Variants in LRPPRC observed in about 807,000 individuals in gnomAD.
The protein encoded by LRPPRC is leucine rich pentatricopeptide repeat containing.
In LRPPRC, 120 loss-of-function variants were observed where a neutral mutation model predicts 180.3. That is an observed-to-expected ratio of 0.67 (90% CI 0.57 to 0.77). The LOEUF (loss-of-function observed/expected upper bound fraction) is 0.77. Ranked by LOEUF, LRPPRC falls within the 30% of genes least tolerant of loss-of-function variation. LRPPRC has a pLI of 0.00. For missense variants in LRPPRC, 2,012 were observed against 1,657.2 expected (o/e 1.21, Z -3.72); for synonymous variants, 723 against 600.0 (o/e 1.21, Z -3.00).
chr2:43,938,313 TAAAAATATAAG>T (rs1672348987), intron 23 of LRPPRC, among the ~76,000 whole-genome samples: 1 of 152,124 alleles, frequency 6.6e-6, no homozygotes, highest in Non-Finnish European at 1.5e-5. Context: ...TGGTGCAAAT[TAAAAATATAAG>T]CTTTACCAAA....
rs1196044273 is a variant in LRPPRC, at chr2:43,887,272, C to CTGCT, written c.*1324_*1327dup. ...CAAGACTCAACGTTGGCCATGCCCCCTGCTTCCTTAAATCTAACGCCACAA... is the reference window on the plus strand; with the variant it reads ...CAAGACTCAACGTTGGCCATGCCCCCTGCTTGCTTCCTTAAATCTAACGCCACAA... On this transcript the variant is annotated 3_prime_UTR_variant, in exon 38 of 38. Transcript: ENST00000260665. 6.6e-6 allele frequency: 1 copy of CTGCT among 152,172 alleles called. No individual in the cohort carries two copies. The highest frequency in any genetic ancestry group is 1.9e-4 in the East Asian group (1 of 5,198). 9.4% of individuals were successfully genotyped at this position (152,172 alleles called of 1,614,324 possible).
intron 2 of LRPPRC, among the ~76,000 whole-genome samples, chr2:43,980,571 GAAGA>G (rs371240035): frequency 0.023 from 1,962 of 86,908 alleles, 89 homozygotes; most frequent in Admixed American, 0.12. Flanking sequence ...AAAAAAAAAA[GAAGA>G]AAGAAAGAAA....
Sources: gnomAD v4.1 joint callset for allele counts (sites outside exome capture counted in the v4.1 genomes callset) on GRCh38, gnomAD v4.1.1 for gene constraint, MANE v1.5 for transcripts, NCBI Gene and HGNC (gene_info 2026-07-23, HGNC 2026-07-21) for gene names.